The following RTKN variants were observed in gnomAD, a reference collection of about 807,000 sequenced individuals.
The protein encoded by RTKN is rhotekin.
RTKN carries 49 observed loss-of-function variants against 63.5 expected under a neutral mutation model. The observed-to-expected ratio is 0.77, with a 90% CI of 0.61 to 0.98. The LOEUF (loss-of-function observed/expected upper bound fraction) is 0.98. RTKN is among the 50% of genes least tolerant of loss of function. The probability of loss-of-function intolerance (pLI) is 0.00; values close to 1 mark genes in which losing one functional copy is unlikely to be tolerated. For missense variants in RTKN, 685 were observed against 740.8 expected (o/e 0.92, Z 0.87); for synonymous variants, 295 against 290.4 (o/e 1.02, Z -0.16).
intron 11 of RTKN, 191 bp from the exon 12 acceptor site, chr2:74,426,765 G>A: frequency 7.3e-7 from 1 of 1,370,308 alleles, no homozygotes; most frequent in Non-Finnish European, 9.3e-7. Flanking sequence ...TAAGACTGTG[G>A]GACATGGGGC....
At position 74,425,873 on chromosome 2, in the gene RTKN, A is replaced by T; in HGVS notation, c.*370T>A. 4.7e-6 allele frequency: 5 copies of T among 1,063,090 alleles called. No homozygotes were observed. Among genetic ancestry groups the T allele is most frequent in the Non-Finnish European group, 6.7e-6 (5 of 747,664 alleles). 65.9% of individuals were successfully genotyped at this position (1,063,090 alleles called of 1,614,324 possible). On this transcript the variant is annotated 3_prime_UTR_variant, in exon 12 of 12. Transcript: ENST00000272430. Reference sequence around the variant, plus strand: ...GAGAGGCACCCTGTCCTCAGGAGCCAGGTGAAGGCTGCTGTTAAATAACTT... The same window carrying T: ...GAGAGGCACCCTGTCCTCAGGAGCCTGGTGAAGGCTGCTGTTAAATAACTT...
At chr2:74,440,434 A>T (rs1204395371) in intron 1 of RTKN, 1 of 986,672 alleles carries the variant, frequency 1.0e-6, no homozygotes, top group African/African-American at 1.7e-5. Flanking sequence ...TCCCTTCTGC[A>T]GGCCCCTTCC....
Position 74,427,495 on chromosome 2 carries a change from G to T in RTKN, c.1184C>A (p.Thr395Asn), listed in dbSNP as rs139633329. The change falls in exon 10 of 12, where the codon ACC becomes AAC. Residue 395 changes from threonine (T) to asparagine (N), a missense_variant. Thr to Asn is a moderately conservative substitution (Grantham distance 65). Coordinates refer to ENST00000272430, the MANE Select transcript of RTKN (RefSeq NM_001015055.2). ...NQYGDDEVTH[T>N]LQTESREALQ... ...TGCTTCCCGACTTTCTGTCTGAAGG[G>T]TGTGTGTCACCTCATCATCCCCATA... 216 of 1,614,184 alleles carry T rather than the reference G, an allele frequency of 1.3e-4. 2 individuals carry two copies. The African/African-American group carries it at 2.7e-3, about 20-fold the overall frequency.
intron 1 of RTKN, among the ~76,000 whole-genome samples, chr2:74,437,541 T>G (rs1363528766): frequency 6.6e-6 from 1 of 152,176 alleles, no homozygotes; most frequent in Non-Finnish European, 1.5e-5. Context: ...GAGGGTAGGA[T>G]GCAGAATTTA....
At chr2:74,435,455 T>C (rs938534886) in intron 1 of RTKN, among the ~76,000 whole-genome samples, 38 of 152,234 alleles carry the variant, frequency 2.5e-4, no homozygotes, top group African/African-American at 7.7e-4. Flanking sequence ...CAGCATTTAC[T>C]CAGTCAACAC....
In RTKN at chr2:74,436,942, C is replaced by G. The variant is rs1359342875; in HGVS notation, c.112-4276G>C. Reference sequence around the variant, plus strand: ...ATTTCCCCTGGGAAAGAGCGCAGAGCTGGGTGTCAGCTGGACCCGGGTCAG... The same window carrying G: ...ATTTCCCCTGGGAAAGAGCGCAGAGGTGGGTGTCAGCTGGACCCGGGTCAG... On this transcript the variant is annotated intron_variant, in intron 1 of 11. Coordinates refer to ENST00000272430, the MANE Select transcript of RTKN (RefSeq NM_001015055.2). This position sits in a 1 kb window ranked among gnomAD's most constrained non-coding sequence, Gnocchi z 4.3. Among the ~76,000 whole-genome samples, 1 of 152,208 alleles carries G rather than the reference C, an allele frequency of 6.6e-6. No homozygotes were observed. Among genetic ancestry groups the G allele is most frequent in the East Asian group, 1.9e-4 (1 of 5,190 alleles).
chr2:74,440,473 C>G, intron 1 of RTKN: 1 of 986,840 alleles, frequency 1.0e-6, no homozygotes, highest in Non-Finnish European at 1.2e-6. Flanking sequence ...GCCCCGATTC[C>G]GAGCCAGCTG....
chr2:74,430,158 C>A, intron 5 of RTKN, 94 bp downstream of exon 5: 5 of 1,507,964 alleles, frequency 3.3e-6, no homozygotes, highest in Non-Finnish European at 4.6e-6. Flanking sequence ...CTCCTCTCCA[C>A]CCTGCCCCCA....
chr2:74,430,424 G>A, intron 4 of RTKN, 41 bp downstream of exon 4: 1 of 1,613,176 alleles, frequency 6.2e-7, no homozygotes, highest in Non-Finnish European at 8.5e-7. Flanking sequence ...CCTACTTCAG[G>A]GTCATTCCCC....
chr2:74,432,166 T>G, intron 2 of RTKN: 1 of 522,262 alleles, frequency 1.9e-6, no homozygotes, highest in South Asian at 2.0e-5. Flanking sequence ...AGATAGCCAG[T>G]CTTACTGGAT....
Position 74,426,481 on chromosome 2 carries a change from A to G in RTKN, c.1454T>C (p.Met485Thr). The G allele has an allele frequency of 3.7e-6, 6 of 1,602,332 alleles. No individual in the cohort carries two copies. The highest frequency in any genetic ancestry group is 5.1e-6 in the Non-Finnish European group (6 of 1,172,642). ...RLETPPPWLA[M>T]FTDQPALPNP... ...AGGCAGGGCAGGCTGGTCTGTAAAC[A>G]TTGCCAGCCAGGGTGGGGGTGTCTC... Residue 485 changes from methionine to threonine, a missense_variant, in exon 12 of 12, where the codon ATG (methionine) becomes ACG (threonine). Coordinates refer to ENST00000272430, the MANE Select transcript of RTKN (RefSeq NM_001015055.2).
intron 1 of RTKN, chr2:74,440,241 G>T (rs996211619): frequency 8.5e-6 from 5 of 586,240 alleles, no homozygotes; most frequent in Non-Finnish European, 1.1e-5. Flanking sequence ...AGGGGAGAGT[G>T]AGCCCAGGGA....
rs955587661 is a variant in RTKN, at chr2:74,430,037, G to A, written c.546C>T (p.Phe182=). 1.2e-6 allele frequency: 2 copies of A among 1,614,042 alleles called. No homozygotes were observed. Among genetic ancestry groups the A allele is most frequent in the Middle Eastern group, 1.7e-4 (1 of 6,060 alleles). ...GTTCAAAGTCTGGCCCCGCCTCAGC[G>A]CTGGTGGGAGGAAGAAAGGAGGGTG... ...TDISFQSNVL[F]AEAGPDFELR... is the part of the protein sequence containing the mutation. The change falls in exon 6 of 12, where the codon TTC becomes TTT. Residue 182 remains phenylalanine, a splice_region_variant and synonymous_variant. Transcript: ENST00000272430.
chr2:74,439,429 C>G, intron 1 of RTKN: 1 of 1,066,290 alleles, frequency 9.4e-7, no homozygotes, highest in Non-Finnish European at 1.4e-6. Context: ...AACCACCTGT[C>G]CCTCTTCCCA....
chr2:74,429,715 C>T, intron 6 of RTKN, 113 bp downstream of exon 6: 1 of 1,008,848 alleles, frequency 9.9e-7, no homozygotes, highest in Non-Finnish European at 1.5e-6. Flanking sequence ...TCATATCTGT[C>T]TGCACATCCT....
rs558151028 is a variant in RTKN at position 74,436,642 on chromosome 2, G to A, written c.112-3976C>T. Among the ~76,000 whole-genome samples, 135 of 152,204 alleles carry A rather than the reference G, an allele frequency of 8.9e-4. No individual in the cohort carries two copies. The highest frequency in any genetic ancestry group is 3.2e-3 in the African/African-American group (132 of 41,518). ...ATAGTGTATAAATTGGGAGAGCTGG[G>A]GCCCTAGGGAGGTCACTGGGCCCAG... On this transcript the variant is annotated intron_variant, in intron 1 of 11. Coordinates refer to ENST00000272430, the MANE Select transcript of RTKN (RefSeq NM_001015055.2). This position sits in a 1 kb window ranked among gnomAD's most constrained non-coding sequence, Gnocchi z 4.3.
At chr2:74,439,673 C>T (rs751883012) in intron 1 of RTKN, 12 of 1,610,396 alleles carry the variant, frequency 7.5e-6, no homozygotes, top group Non-Finnish European at 3.4e-6. Context: ...AGAGGGGGGA[C>T]AGATAGGTAC....
At position 74,437,119 on chromosome 2, in the gene RTKN, G is replaced by C. The variant is rs76215149; in HGVS notation, c.112-4453C>G. On this transcript the variant is annotated intron_variant, in intron 1 of 11. Coordinates refer to ENST00000272430, the MANE Select transcript of RTKN (RefSeq NM_001015055.2). ...CCTTCAGAATCTCCACCAGGGCTAA[G>C]TACAAATCCTGGTTTAGGGACTTGA... 9.5e-3 allele frequency among the ~76,000 whole-genome samples: 1,441 copies of C among 152,200 alleles called. 27 individuals carry two copies. The highest frequency in any genetic ancestry group is 0.033 in the African/African-American group (1,387 of 41,508).
In RTKN at chr2:74,426,491, A is replaced by G. The variant is rs1002736393; in HGVS notation, c.1444T>C (p.Trp482Arg). ...GGCTGGTCTGTAAACATTGCCAGCC[A>G]GGGTGGGGGTGTCTCCAGCCTTGCG... ...EGARLETPPP[W>R]LAMFTDQPAL... is the part of the protein sequence containing the mutation. The change falls in exon 12 of 12, where the codon TGG becomes CGG. Residue 482 changes from tryptophan (W) to arginine (R), a missense_variant. By Grantham distance (101) the Trp-to-Arg change is moderately radical. Coordinates refer to ENST00000272430, the MANE Select transcript of RTKN (RefSeq NM_001015055.2). The G allele has an allele frequency of 2.5e-6, 4 of 1,596,756 alleles. No individual in the cohort carries two copies. In the African/African-American group the frequency reaches 5.4e-5, roughly 21 times the overall value.
Sources: gnomAD v4.1 joint callset for allele counts (sites outside exome capture counted in the v4.1 genomes callset) on GRCh38, gnomAD v4.1.1 for gene constraint, Gnocchi (gnomAD v3.1) non-coding constraint, MANE v1.5 for transcripts, NCBI Gene and HGNC (gene_info 2026-07-23, HGNC 2026-07-21) for gene names.